Variants in GLIS3 observed in about 807,000 individuals in gnomAD.
GLIS3 encodes the protein zinc finger protein GLIS3.
Under a neutral mutation model 78.6 loss-of-function variants are expected in GLIS3, and 53 were observed. That is an observed-to-expected ratio of 0.67 (90% CI 0.54 to 0.85). The LOEUF is 0.85. Among genes scored for constraint, GLIS3 ranks in the 40% least tolerant of loss-of-function variants. The probability of loss-of-function intolerance (pLI) is 0.00; values close to 1 mark genes in which losing one functional copy is unlikely to be tolerated. For synonymous variants in GLIS3, 684 were observed against 509.9 expected (o/e 1.34, Z -4.60); for missense variants, 1,703 against 1,231.1 (o/e 1.38, Z -5.74).
intron 2 of GLIS3, among the ~76,000 whole-genome samples, chr9:4,139,057 G>C (rs1833614323): frequency 6.6e-6 from 1 of 152,172 alleles, no homozygotes; most frequent in Non-Finnish European, 1.5e-5. Context: ...GCTGGGAAGA[G>C]CAAACGGAGC....
intron 2 of GLIS3, among the ~76,000 whole-genome samples, chr9:4,132,043 T>A (rs61321878): frequency 6.6e-6 from 1 of 150,516 alleles, no homozygotes; most frequent in African/African-American, 2.4e-5. Flanking sequence ...ACGGCCAATG[T>A]TTTTTTTAAA....
chr9:4,188,790 G>GTTTA (rs1818046030), intron 2 of GLIS3, among the ~76,000 whole-genome samples: 1 of 152,208 alleles, frequency 6.6e-6, no homozygotes, highest in Admixed American at 6.5e-5. Flanking sequence ...GCGTAGAGGT[G>GTTTA]TTTGTAGTAT....
At chr9:4,162,721 G>T (rs949258372) in intron 2 of GLIS3, among the ~76,000 whole-genome samples, 1 of 151,998 alleles carries the variant, frequency 6.6e-6, no homozygotes, top group Non-Finnish European at 1.5e-5. Context: ...GCTGGGCATA[G>T]TGGCACACAC....
chr9:4,098,547 G>T (rs1186632220), intron 4 of GLIS3, among the ~76,000 whole-genome samples: 4 of 152,164 alleles, frequency 2.6e-5, no homozygotes, highest in Non-Finnish European at 5.9e-5. Flanking sequence ...AGATTAATTG[G>T]ATGGGAACTA....
chr9:4,239,299 C>T (rs1214779259), intron 2 of GLIS3, among the ~76,000 whole-genome samples: 1 of 150,626 alleles, frequency 6.6e-6, no homozygotes, highest in African/African-American at 2.5e-5. Context: ...CACATGTACC[C>T]TAAAACTTAA....
In GLIS3 at chr9:4,118,883, T is replaced by C; in HGVS notation, c.597-2A>G. 2 of 1,600,382 alleles carry C rather than the reference T, an allele frequency of 1.2e-6. No homozygotes were observed. The highest frequency in any genetic ancestry group is 2.7e-5 in the African/African-American group (2 of 74,876). On this transcript the variant is annotated splice_acceptor_variant, in intron 3 of 10. Transcript: ENST00000381971. LOFTEE classifies it high-confidence loss of function. The surrounding 1 kb of genome is among the most constrained non-coding windows in gnomAD (Gnocchi z 4.7). ...AAAGACTCACGCGAAATAAGGGACC[T>C]GGAACAGCAGCCAGAAAGGAAGAAA... is the stretch of plus-strand genomic sequence containing the variant.
intron 4 of GLIS3, among the ~76,000 whole-genome samples, chr9:4,012,765 C>CTTTTTTTTTTTTTTTT (rs71324278): frequency 3.3e-3 from 217 of 66,470 alleles, no homozygotes; most frequent in Middle Eastern, 0.019. Context: ...TTTTCTTTTT[C>CTTTTTTTTTTTTTTTT]TTTTTTTTTT....
At chr9:4,199,298 C>G (rs752202421) in intron 2 of GLIS3, among the ~76,000 whole-genome samples, 42 of 152,078 alleles carry the variant, frequency 2.8e-4, no homozygotes, top group Non-Finnish European at 5.7e-4. Context: ...ACCAATCTAT[C>G]TCCTGTCTTC....
chr9:4,022,416 C>G (rs759019945), intron 4 of GLIS3, among the ~76,000 whole-genome samples: 2 of 152,202 alleles, frequency 1.3e-5, no homozygotes, highest in Non-Finnish European at 2.9e-5. Context: ...ATCCAGTCCC[C>G]AACCTGGTTC....
intron 8 of GLIS3, among the ~76,000 whole-genome samples, chr9:3,871,566 A>G (rs1406401731): frequency 6.6e-6 from 1 of 152,106 alleles, no homozygotes; most frequent in Non-Finnish European, 1.5e-5. Context: ...CAGGCTCAAC[A>G]CCACATGGAA....
intron 4 of GLIS3, 101 bp downstream of exon 4, chr9:4,117,667 C>T (rs1243434722): frequency 7.6e-6 from 10 of 1,316,616 alleles, no homozygotes; most frequent in African/African-American, 1.4e-5. Context: ...ACCTAGACCC[C>T]CACGCATGCA....
intron 2 of GLIS3, among the ~76,000 whole-genome samples, chr9:4,212,187 A>G (rs1194551161): frequency 2.0e-5 from 3 of 152,330 alleles, no homozygotes; most frequent in East Asian, 1.9e-4. Context: ...AAAATTAAAT[A>G]TAAGAACAAA....
the GLIS3 span, among the ~76,000 whole-genome samples, chr9:4,405,604 A>G: frequency 6.6e-6 from 1 of 152,176 alleles, no homozygotes; most frequent in East Asian, 1.9e-4. Flanking sequence ...AGTAAAGAAA[A>G]GCCCAAGACC....
At chr9:4,464,243 C>G in the GLIS3 span, among the ~76,000 whole-genome samples, 3 of 152,056 alleles carry the variant, frequency 2.0e-5, no homozygotes, top group Non-Finnish European at 4.4e-5. Context: ...GAGTCTCCAA[C>G]AGGCAATGGT....
the GLIS3 span, among the ~76,000 whole-genome samples, chr9:4,450,010 A>G: frequency 2.6e-5 from 4 of 152,318 alleles, no homozygotes; most frequent in Non-Finnish European, 2.9e-5. Context: ...ATTAGCTGAC[A>G]GAAGTATGCT....
At chr9:4,406,575 A>T in the GLIS3 span, among the ~76,000 whole-genome samples, 83 of 152,330 alleles carry the variant, frequency 5.4e-4, no homozygotes, top group Non-Finnish European at 6.6e-4. Flanking sequence ...CCATCAAAAA[A>T]CTATTTGAAC....
chr9:4,470,099 G>A, the GLIS3 span, among the ~76,000 whole-genome samples: 4 of 152,276 alleles, frequency 2.6e-5, no homozygotes, highest in Middle Eastern at 3.4e-3. Flanking sequence ...CTCTGAAATT[G>A]AGGCAATAAT....
At position 3,952,540 on chromosome 9, in the gene GLIS3, T is replaced by C. The variant is rs1019783115; in HGVS notation, c.1711-15351A>G. ...CCACTCCTGGGTTCTGCATCTATTT[T>C]GCTCATCTATTTCCAGAGCCTGTCA... On this transcript the variant is annotated intron_variant, in intron 4 of 10. Transcript: ENST00000381971. Among the ~76,000 whole-genome samples, 5 of 152,226 alleles carry C rather than the reference T, an allele frequency of 3.3e-5. No individual in the cohort carries two copies. In the East Asian group the frequency reaches 9.6e-4, roughly 29 times the overall value.
chr9:3,837,482 A>ATAGT (rs1262159995), intron 9 of GLIS3, among the ~76,000 whole-genome samples: 1 of 152,258 alleles, frequency 6.6e-6, no homozygotes, highest in Non-Finnish European at 1.5e-5. Context: ...TGTTTATAGT[A>ATAGT]GCATTATTCA....
Sources: allele counts gnomAD v4.1 joint callset (sites outside exome capture counted in the v4.1 genomes callset), GRCh38; gene constraint gnomAD v4.1.1; non-coding constraint Gnocchi (gnomAD v3.1); transcripts MANE v1.5; gene names NCBI Gene and HGNC (gene_info 2026-07-23, HGNC 2026-07-21).